STK33: variants seen among roughly 807,000 people sequenced by gnomAD.
STK33 encodes the protein serine/threonine-protein kinase 33.
In STK33, 52 loss-of-function variants were observed where a neutral mutation model predicts 58.0. The observed-to-expected ratio is 0.90, with a 90% CI of 0.72 to 1.13. The LOEUF (loss-of-function observed/expected upper bound fraction) is 1.13. STK33 is among the 50% of genes most tolerant of loss of function. The probability of loss-of-function intolerance (pLI) is 0.00; values close to 1 mark genes in which losing one functional copy is unlikely to be tolerated. For missense variants in STK33, 630 were observed against 604.2 expected (o/e 1.04, Z -0.45); for synonymous variants, 215 against 200.1 (o/e 1.07, Z -0.63).
intron 1 of STK33, among the ~76,000 whole-genome samples, chr11:8,513,242 G>A (rs1391419044): frequency 6.6e-6 from 1 of 152,060 alleles, no homozygotes; most frequent in Non-Finnish European, 1.5e-5. Flanking sequence ...AGAACCTGCT[G>A]GTTTTGTCCC....
chr11:8,390,462 C>T (rs901294950), downstream of STK33, among the ~76,000 whole-genome samples: 6 of 151,968 alleles, frequency 3.9e-5, no homozygotes, highest in Non-Finnish European at 8.8e-5. Flanking sequence ...GGAAGGAAGG[C>T]CATATATCCC....
At chr11:8,509,567 A>G (rs1011314056) in intron 1 of STK33, among the ~76,000 whole-genome samples, 3 of 152,120 alleles carry the variant, frequency 2.0e-5, no homozygotes, top group African/African-American at 2.4e-5. Context: ...TTACATGAAT[A>G]AGTTCCTTAG....
At chr11:8,334,884 G>A in the STK33 span, among the ~76,000 whole-genome samples, 1 of 152,184 alleles carries the variant, frequency 6.6e-6, no homozygotes, top group Non-Finnish European at 1.5e-5. Flanking sequence ...GTGTAGGTGT[G>A]CTCTGTGCCT....
At chr11:8,505,070 T>C (rs990809199) in intron 1 of STK33, among the ~76,000 whole-genome samples, 7 of 152,216 alleles carry the variant, frequency 4.6e-5, no homozygotes, top group African/African-American at 1.4e-4. Context: ...ATGCCATAAA[T>C]CAGAGCTTAT....
At chr11:8,361,156 C>T in the STK33 span, among the ~76,000 whole-genome samples, 6 of 152,298 alleles carry the variant, frequency 3.9e-5, no homozygotes, top group East Asian at 3.9e-4. This position sits in a 1 kb window ranked among gnomAD's most constrained non-coding sequence, Gnocchi z 4.8. Context: ...CCTGGAAAGC[C>T]TGAGGTTCAT....
At chr11:8,490,931 T>A (rs1283703404) in intron 1 of STK33, among the ~76,000 whole-genome samples, 1 of 152,192 alleles carries the variant, frequency 6.6e-6, no homozygotes, top group African/African-American at 2.4e-5. Context: ...AAACCCCATC[T>A]GTAGGTCACC....
At chr11:8,510,372 C>A (rs796764441) in intron 1 of STK33, among the ~76,000 whole-genome samples, 5 of 151,880 alleles carry the variant, frequency 3.3e-5, no homozygotes, top group African/African-American at 1.2e-4. Flanking sequence ...TGTTGACTTG[C>A]TTAAGTTCCT....
At chr11:8,523,489 G>A (rs1477886961) in intron 1 of STK33, among the ~76,000 whole-genome samples, 55 of 149,026 alleles carry the variant, frequency 3.7e-4, no homozygotes, top group Non-Finnish European at 8.9e-5. Flanking sequence ...CGGCCGCCCT[G>A]TCTGAGAAGC....
chr11:8,429,375 T>C (rs1943144584), intron 14 of STK33, among the ~76,000 whole-genome samples: 1 of 152,208 alleles, frequency 6.6e-6, no homozygotes, highest in Non-Finnish European at 1.5e-5. Flanking sequence ...CCAAAAACAC[T>C]TCATTCTTGT....
Position 8,457,461 on chromosome 11 carries a change from C to A in STK33, c.577G>T (p.Glu193Ter). ...ETPKKMYLVM[E>*]LCEDGELKEI... is the part of the protein sequence containing the mutation. Reference sequence around the variant, plus strand: ...TTGAGTTCTCCATCCTCACAAAGCTCCATCACAAGGTACATTTTCTGACAT... The same window carrying A: ...TTGAGTTCTCCATCCTCACAAAGCTACATCACAAGGTACATTTTCTGACAT... Residue 193 changes from glutamate (E) to a stop codon, truncating the protein, a stop_gained, in exon 9 of 16, where the codon GAG becomes TAG. Transcript: ENST00000687296. LOFTEE classifies it high-confidence loss of function. 6.3e-7 allele frequency: 1 copy of A among 1,598,348 alleles called. No individual in the cohort carries two copies. Among genetic ancestry groups the A allele is most frequent in the Admixed American group, 1.7e-5 (1 of 59,818 alleles).
chr11:8,396,817 C>A (rs1301680404), intron 15 of STK33, among the ~76,000 whole-genome samples: 3 of 152,214 alleles, frequency 2.0e-5, no homozygotes, highest in East Asian at 1.9e-4. Flanking sequence ...GAGATTATAT[C>A]CCGTGCCTGG....
chr11:8,593,796 G>A (rs2032992335), intron 1 of STK33: 1 of 152,318 alleles, frequency 6.6e-6, no homozygotes, highest in Admixed American at 6.5e-5. Flanking sequence ...CCCAAGATGG[G>A]GTGAAGGTGA....
rs970728562 is a variant in STK33 at position 8,523,766 on chromosome 11, C to T, written c.-465-43152G>A. On this transcript the variant is annotated intron_variant, in intron 1 of 15. Coordinates refer to ENST00000687296, the MANE Select transcript of STK33 (RefSeq NM_001352389.2). ...GGGGGGCGCCTCTGCCCGGCCGCCG[C>T]GTCTGGGAAGTGAGGAGCCCCTCTG... is the stretch of plus-strand genomic sequence containing the variant. Among the ~76,000 whole-genome samples, 135 of 152,038 alleles carry T rather than the reference C, an allele frequency of 8.9e-4. 2 individuals are homozygous for T. Among genetic ancestry groups the T allele is most frequent in the Middle Eastern group, 3.4e-3 (1 of 290 alleles).
At chr11:8,378,772 T>C in the STK33 span, among the ~76,000 whole-genome samples, 1 of 151,944 alleles carries the variant, frequency 6.6e-6, no homozygotes, top group Non-Finnish European at 1.5e-5. Flanking sequence ...ACATCTTTTT[T>C]CACAGAGTTA....
intron 1 of STK33, among the ~76,000 whole-genome samples, chr11:8,501,944 T>C (rs922289239): frequency 1.3e-4 from 20 of 152,114 alleles, no homozygotes; most frequent in African/African-American, 4.6e-4. Context: ...AAAGCCCATA[T>C]ATTATATGAG....
At chr11:8,382,493 A>G in the STK33 span, among the ~76,000 whole-genome samples, 1 of 152,222 alleles carries the variant, frequency 6.6e-6, no homozygotes, top group African/African-American at 2.4e-5. Context: ...CTTCCCTGCA[A>G]AAGACTCAGA....
At chr11:8,588,723 A>C (rs2032119763) in intron 1 of STK33, among the ~76,000 whole-genome samples, 1 of 152,196 alleles carries the variant, frequency 6.6e-6, no homozygotes. Context: ...AGGAGGTAAA[A>C]AGACAATCTA....
intron 15 of STK33, among the ~76,000 whole-genome samples, chr11:8,400,464 G>C (rs1320174994): frequency 6.6e-6 from 1 of 151,944 alleles, no homozygotes; most frequent in South Asian, 2.1e-4. Context: ...TTGATGGGAC[G>C]TATCTCAAAA....
chr11:8,483,913 C>T (rs1950023515), intron 1 of STK33, among the ~76,000 whole-genome samples: 1 of 152,120 alleles, frequency 6.6e-6, no homozygotes, highest in African/African-American at 2.4e-5. Context: ...AATGCCCCTA[C>T]TCCAAATTCA....
Sources: allele counts gnomAD v4.1 joint callset (sites outside exome capture counted in the v4.1 genomes callset), GRCh38; gene constraint gnomAD v4.1.1; non-coding constraint Gnocchi (gnomAD v3.1); transcripts MANE v1.5; gene names NCBI Gene and HGNC (gene_info 2026-07-23, HGNC 2026-07-21).